The following PTGFRN variants were observed in gnomAD, a reference collection of about 807,000 sequenced individuals.
PTGFRN encodes prostaglandin F2 receptor negative regulator.
A neutral mutation model predicts 83.2 loss-of-function variants in PTGFRN; 35 were observed. That is an observed-to-expected ratio of 0.42 (90% CI 0.32 to 0.56). The LOEUF is 0.56. Among genes scored for constraint, PTGFRN ranks in the 20% least tolerant of loss-of-function variants. The pLI is 0.11. For synonymous variants in PTGFRN, 519 were observed against 498.6 expected (o/e 1.04, Z -0.55); for missense variants, 1,051 against 1,179.5 (o/e 0.89, Z 1.60).
Position 116,967,321 on chromosome 1 carries a change from C to A in PTGFRN, c.2050C>A (p.Gln684Lys). 6.2e-7 allele frequency: 1 copy of A among 1,609,624 alleles called. No homozygotes were observed. Among genetic ancestry groups the A allele is most frequent in the East Asian group, 2.2e-5 (1 of 44,782 alleles). The change falls in exon 6 of 9, where the codon CAA becomes AAA. Residue 684 changes from glutamine (Q) to lysine (K), a missense_variant. Physicochemically the swap from Gln to Lys is moderately conservative, Grantham distance 53. Coordinates refer to ENST00000393203, the MANE Select transcript of PTGFRN (RefSeq NM_020440.4). ...CTCCAATCCTATTGAGATAGACTTC[C>A]AAACCTCAGGTGAGCAGTGAGCCCT... is the stretch of plus-strand genomic sequence containing the variant. The part of the protein sequence containing the change: ...SLSNPIEIDF[Q>K]TSGPIFNASV...
chr1:116,948,000 G>A (rs1650243839), intron 3 of PTGFRN, among the ~76,000 whole-genome samples: 1 of 152,200 alleles, frequency 6.6e-6, no homozygotes, highest in South Asian at 2.1e-4. Flanking sequence ...GTCAGGCTTT[G>A]GACATATTCA....
Position 116,941,908 on chromosome 1 carries a change from G to T in PTGFRN, c.243G>T (p.Gln81His), listed in dbSNP as rs1352465849. The T allele has an allele frequency of 9.3e-6, 15 of 1,614,194 alleles. No individual in the cohort carries two copies. The highest frequency in any genetic ancestry group is 1.3e-5 in the Non-Finnish European group (15 of 1,180,022). The part of the protein sequence containing the change: ...ASTWEVGFPA[Q>H]LYQERLQRGE... Reference sequence around the variant, plus strand: ...CCTGGGAGGTGGGGTTCCCAGCCCAGCTGTACCAGGAGCGGCTGCAGAGGG... The same window carrying T: ...CCTGGGAGGTGGGGTTCCCAGCCCATCTGTACCAGGAGCGGCTGCAGAGGG... The change falls in exon 2 of 9, where the codon CAG (glutamine) becomes CAT (histidine). Residue 81 changes from glutamine (Q) to histidine (H), a missense_variant. Around this residue, in one of 3 missense-constraint regions of PTGFRN, gnomAD observed 127 missense variants for 168.4 expected, o/e 0.75. Coordinates refer to ENST00000393203, the MANE Select transcript of PTGFRN (RefSeq NM_020440.4). The surrounding 1 kb of genome is among the most constrained non-coding windows in gnomAD (Gnocchi z 5.0).
intron 4 of PTGFRN, among the ~76,000 whole-genome samples, chr1:116,950,621 G>C (rs765791717): frequency 6.6e-6 from 1 of 152,080 alleles, no homozygotes; most frequent in East Asian, 1.9e-4. Flanking sequence ...CTTCTCTTGG[G>C]TTAGTGGCAT....
chr1:116,937,972 G>A (rs1649964036), intron 1 of PTGFRN, among the ~76,000 whole-genome samples: 1 of 152,166 alleles, frequency 6.6e-6, no homozygotes, highest in African/African-American at 2.4e-5. Context: ...AGGCACAAGA[G>A]GGTTAAGCAC....
chr1:116,972,493 A>G (rs12090536), intron 6 of PTGFRN, among the ~76,000 whole-genome samples: 54,553 of 152,112 alleles, frequency 0.36, 10,528 homozygotes, highest in African/African-American at 0.52. Flanking sequence ...TCATCATGTC[A>G]AAATGAAAAT....
At chr1:116,917,164 G>T (rs1457416070) in intron 1 of PTGFRN, among the ~76,000 whole-genome samples, 1 of 152,194 alleles carries the variant, frequency 6.6e-6, no homozygotes, top group Non-Finnish European at 1.5e-5. Context: ...AGTGAAGGAG[G>T]AAGGGAAATC....
chr1:116,910,077 G>C lies in PTGFRN; in HGVS notation c.-127G>C. Reference sequence around the variant, plus strand: ...GCTGGGATTTATCGGCTCGCGAGGAGAGCGGAGCAGGCGCGCGGCCCAGGC... The same window carrying C: ...GCTGGGATTTATCGGCTCGCGAGGACAGCGGAGCAGGCGCGCGGCCCAGGC... On this transcript the variant is annotated 5_prime_UTR_variant, in exon 1 of 9. Coordinates refer to ENST00000393203, the MANE Select transcript of PTGFRN (RefSeq NM_020440.4). The C allele has an allele frequency of 9.6e-7, 1 of 1,041,084 alleles. No homozygotes were observed. Among genetic ancestry groups the C allele is most frequent in the Non-Finnish European group, 1.4e-6 (1 of 705,836 alleles). The allele number at this position is 1,041,084 out of a possible 1,614,324, so 64.5% of individuals were successfully genotyped here. A position where few individuals can be genotyped will look rare whatever the true frequency, so the allele number is the denominator to read the frequency against.
At chr1:116,955,508 A>G (rs1019398376) in intron 4 of PTGFRN, among the ~76,000 whole-genome samples, 34 of 152,174 alleles carry the variant, frequency 2.2e-4, no homozygotes, top group South Asian at 1.5e-3. Flanking sequence ...TTTCTTCTAG[A>G]AGAGTATAAA....
At position 116,941,141 on chromosome 1, in the gene PTGFRN, T is replaced by G. The variant is rs1265939005; in HGVS notation, c.50-574T>G. Among the ~76,000 whole-genome samples the G allele has an allele frequency of 6.6e-6, 1 of 152,186 alleles. No individual in the cohort carries two copies. Reference sequence around the variant, plus strand: ...GTAGAGAAGGAAATGAGCCAGAAAATAGAAAATTAATACTTGGTAAAATCA... The same window carrying G: ...GTAGAGAAGGAAATGAGCCAGAAAAGAGAAAATTAATACTTGGTAAAATCA... On this transcript the variant is annotated intron_variant, in intron 1 of 8. Coordinates refer to ENST00000393203, the MANE Select transcript of PTGFRN (RefSeq NM_020440.4). The surrounding 1 kb of genome is among the most constrained non-coding windows in gnomAD (Gnocchi z 5.0).
intron 1 of PTGFRN, among the ~76,000 whole-genome samples, chr1:116,922,466 G>T (rs1302114654): frequency 6.6e-6 from 1 of 152,194 alleles, no homozygotes; most frequent in African/African-American, 2.4e-5. Context: ...ACAAGTTTCA[G>T]CGGAAACAGT....
intron 7 of PTGFRN, among the ~76,000 whole-genome samples, chr1:116,979,205 T>G (rs1376486124): frequency 6.6e-6 from 1 of 152,042 alleles, no homozygotes; most frequent in Non-Finnish European, 1.5e-5. Flanking sequence ...AAACCACTGC[T>G]CAACAAAATA....
At position 116,984,927 on chromosome 1, in the gene PTGFRN, C is replaced by T. The variant is rs1651420139; in HGVS notation, c.2415C>T (p.Ser805=). 3 of 1,614,170 alleles carry T rather than the reference C, an allele frequency of 1.9e-6. No homozygotes were observed. Among genetic ancestry groups the T allele is most frequent in the South Asian group, 1.1e-5 (1 of 91,078 alleles). Residue 805 remains serine (S), a synonymous_variant, in exon 8 of 9, where the codon TCC becomes TCT. Coordinates refer to ENST00000393203, the MANE Select transcript of PTGFRN (RefSeq NM_020440.4). ...CATGGGTGAAGTCACCAACAGGTTC[C>T]TGGCAGAAGGAGGCAGAGATCCACT... is the stretch of plus-strand genomic sequence containing the variant. ...VTPWVKSPTG[S]WQKEAEIHSK... is the part of the protein sequence containing the mutation.
intron 4 of PTGFRN, among the ~76,000 whole-genome samples, chr1:116,949,937 T>C (rs115543073): frequency 2.0e-5 from 3 of 152,210 alleles, no homozygotes; most frequent in African/African-American, 7.2e-5. Flanking sequence ...AGGTGCTCCC[T>C]GGCAGGAGCT....
chr1:116,927,272 G>A (rs926941800), intron 1 of PTGFRN, among the ~76,000 whole-genome samples: 1 of 152,096 alleles, frequency 6.6e-6, no homozygotes, highest in African/African-American at 2.4e-5. Flanking sequence ...GAGGATTCTG[G>A]GATATGTAGT....
At chr1:116,984,281 G>A (rs1340091066) in intron 7 of PTGFRN, among the ~76,000 whole-genome samples, 1 of 152,032 alleles carries the variant, frequency 6.6e-6, no homozygotes, top group Non-Finnish European at 1.5e-5. Flanking sequence ...TTCTTTGGGA[G>A]AGAGAGCCTG....
At chr1:116,971,877 C>G (rs1261325241) in intron 6 of PTGFRN, among the ~76,000 whole-genome samples, 1 of 152,176 alleles carries the variant, frequency 6.6e-6, no homozygotes, top group Non-Finnish European at 1.5e-5. Context: ...GAGATAAAAC[C>G]ATGAGAATTT....
chr1:116,923,465 G>T lies in PTGFRN; in HGVS notation c.49+13213G>T, dbSNP rs1482501271. Among the ~76,000 whole-genome samples, 1 of 152,150 alleles carries T rather than the reference G, an allele frequency of 6.6e-6. No individual in the cohort carries two copies. The highest frequency in any genetic ancestry group is 6.5e-5 in the Admixed American group (1 of 15,274). On this transcript the variant is annotated intron_variant, in intron 1 of 8. Coordinates refer to ENST00000393203, the MANE Select transcript of PTGFRN (RefSeq NM_020440.4). This position sits in a 1 kb window ranked among gnomAD's most constrained non-coding sequence, Gnocchi z 4.0. ...GAGAAAAGTCTCCATTCTTCTTCCT[G>T]TGGATTTTCTCGTTTTTTTCCTTGG... is the stretch of plus-strand genomic sequence containing the variant.
chr1:116,941,089 C>T lies in PTGFRN; in HGVS notation c.50-626C>T, dbSNP rs1401875222. 6.6e-6 allele frequency among the ~76,000 whole-genome samples: 1 copy of T among 152,204 alleles called. No homozygotes were observed. The highest frequency in any genetic ancestry group is 1.5e-5 in the Non-Finnish European group (1 of 68,038). On this transcript the variant is annotated intron_variant, in intron 1 of 8. Transcript: ENST00000393203. The surrounding 1 kb of genome is among the most constrained non-coding windows in gnomAD (Gnocchi z 5.0). ...CTCTCCCTTTGTGCTTCCACATCCT[C>T]ATTCTGAATTTAGATCAGAACAAAG...
intron 1 of PTGFRN, among the ~76,000 whole-genome samples, chr1:116,920,404 C>G (rs1649508544): frequency 6.6e-6 from 1 of 152,172 alleles, no homozygotes; most frequent in Non-Finnish European, 1.5e-5. Flanking sequence ...GGATATCAGC[C>G]ATGAGTAAGC....
Sources: allele counts gnomAD v4.1 joint callset (sites outside exome capture counted in the v4.1 genomes callset), GRCh38; gene constraint gnomAD v4.1.1; regional missense constraint gnomAD v4.1.1; non-coding constraint Gnocchi (gnomAD v3.1); transcripts MANE v1.5; gene names NCBI Gene and HGNC (gene_info 2026-07-23, HGNC 2026-07-21).